The following RBFOX1 variants were observed in gnomAD, a reference collection of about 807,000 sequenced individuals.
RBFOX1 encodes RNA binding protein fox-1 homolog 1.
RBFOX1 carries 8 observed loss-of-function variants against 57.7 expected under a neutral mutation model. The observed-to-expected ratio is 0.14, with a 90% confidence interval of 0.08 to 0.25. The LOEUF (loss-of-function observed/expected upper bound fraction) is 0.25, where lower values mean the gene tolerates loss of function less well. RBFOX1 is among the 10% of genes least tolerant of loss of function. The probability of loss-of-function intolerance (pLI) is 1.00; values close to 1 mark genes in which losing one functional copy is unlikely to be tolerated. For synonymous variants in RBFOX1, 326 were observed against 222.4 expected (o/e 1.47, Z -4.15); for missense variants, 611 against 548.5 (o/e 1.11, Z -1.14).
intron 1 of RBFOX1, among the ~76,000 whole-genome samples, chr16:6,155,426 C>G (rs995063528): frequency 6.6e-6 from 1 of 152,196 alleles, no homozygotes. Context: ...GTAGAGACCT[C>G]AAGATGTACA....
chr16:7,172,459 C>G (rs766164787), intron 4 of RBFOX1, among the ~76,000 whole-genome samples: 18 of 152,164 alleles, frequency 1.2e-4, no homozygotes, highest in Non-Finnish European at 2.1e-4. Context: ...TTCTCTGTCT[C>G]CCACAACCAC....
chr16:7,426,668 G>A (rs1004647735), intron 4 of RBFOX1, among the ~76,000 whole-genome samples: 6 of 152,190 alleles, frequency 3.9e-5, no homozygotes, highest in Admixed American at 1.3e-4. Context: ...GTTGACACAA[G>A]AAGGGGACAT....
intron 3 of RBFOX1, among the ~76,000 whole-genome samples, chr16:6,660,602 G>C (rs1230458950): frequency 2.0e-5 from 3 of 152,108 alleles, no homozygotes; most frequent in Non-Finnish European, 2.9e-5. Context: ...CTGTGACCTT[G>C]AGAAGCTTTC....
chr16:7,337,107 C>A (rs1261472264), intron 4 of RBFOX1, among the ~76,000 whole-genome samples: 1 of 152,140 alleles, frequency 6.6e-6, no homozygotes, highest in Non-Finnish European at 1.5e-5. Flanking sequence ...TTTAATTCCC[C>A]TTTGCCTATG....
At chr16:7,375,662 A>G (rs1209473482) in intron 4 of RBFOX1, among the ~76,000 whole-genome samples, 1 of 152,122 alleles carries the variant, frequency 6.6e-6, no homozygotes, top group Non-Finnish European at 1.5e-5. Context: ...ATTCTGTGTG[A>G]CAATTCTGTA....
At chr16:5,888,945 C>T (rs538469488) in intron 4 of RBFOX1, among the ~76,000 whole-genome samples, 25 of 152,096 alleles carry the variant, frequency 1.6e-4, no homozygotes, top group Non-Finnish European at 2.8e-4. Flanking sequence ...GGGAAGATCT[C>T]TTCATCCTCT....
intron 2 of RBFOX1, among the ~76,000 whole-genome samples, chr16:6,413,531 T>A (rs986958945): frequency 6.6e-6 from 1 of 152,142 alleles, no homozygotes; most frequent in African/African-American, 2.4e-5. Context: ...TGCAAATGAC[T>A]GTTTGCCATA....
chr16:7,676,981 G>C (rs142234874), intron 14 of RBFOX1, 143 bp downstream of exon 14: 7 of 722,716 alleles, frequency 9.7e-6, no homozygotes, highest in Admixed American at 8.7e-5. Context: ...TGGTGAACGT[G>C]AACTCAAGTC....
In RBFOX1 at chr16:5,727,419, C is replaced by T. The variant is rs147349726; in HGVS notation, c.318+128458C>T. ...GTGTACGATGTGATGCTCTGATGTA[C>T]GTATATACTGTGAAACGCTCACCAC... is the stretch of plus-strand genomic sequence containing the variant. On this transcript the variant is annotated intron_variant, in intron 3 of 19. Transcript: ENST00000641259. Among the ~76,000 whole-genome samples the T allele has an allele frequency of 2.3e-3, 354 of 152,230 alleles. 2 individuals carry two copies. Among genetic ancestry groups the T allele is most frequent in the Non-Finnish European group, 3.9e-3 (262 of 68,016 alleles).
intron 1 of RBFOX1, among the ~76,000 whole-genome samples, chr16:5,253,039 C>A (rs113096886): frequency 1.3e-5 from 2 of 152,156 alleles, no homozygotes; most frequent in African/African-American, 4.8e-5. Flanking sequence ...CTGAGGTGCT[C>A]GCAAAGAGCC....
At chr16:6,934,639 G>C (rs983547904) in intron 3 of RBFOX1, among the ~76,000 whole-genome samples, 1 of 152,136 alleles carries the variant, frequency 6.6e-6, no homozygotes, top group Non-Finnish European at 1.5e-5. Context: ...AATTACTCAA[G>C]CACAGAAAGA....
chr16:7,015,203 T>G (rs1037686450), intron 3 of RBFOX1, among the ~76,000 whole-genome samples: 1 of 152,132 alleles, frequency 6.6e-6, no homozygotes. Flanking sequence ...AGCAGATGCA[T>G]CCAGTGGCAT....
intron 4 of RBFOX1, among the ~76,000 whole-genome samples, chr16:7,481,074 A>T (rs1019501805): frequency 1.3e-5 from 2 of 151,992 alleles, no homozygotes; most frequent in Non-Finnish European, 2.9e-5. Context: ...AGCTCTTCCT[A>T]TTGCTCCTTA....
chr16:5,492,824 C>A (rs2042877934), intron 2 of RBFOX1, among the ~76,000 whole-genome samples: 1 of 152,206 alleles, frequency 6.6e-6, no homozygotes, highest in South Asian at 2.1e-4. Flanking sequence ...ATTAAACCAT[C>A]AATAGTGCGG....
At chr16:6,242,632 A>AT (rs1223248167) in intron 1 of RBFOX1, among the ~76,000 whole-genome samples, 4 of 102,890 alleles carry the variant, frequency 3.9e-5, no homozygotes, top group Non-Finnish European at 7.7e-5. Flanking sequence ...TATTGCAAAC[A>AT]CACACACACA....
At chr16:6,899,205 G>T (rs2067830708) in intron 3 of RBFOX1, among the ~76,000 whole-genome samples, 1 of 148,202 alleles carries the variant, frequency 6.7e-6, no homozygotes, top group Non-Finnish European at 1.5e-5. Context: ...GCATATGTGT[G>T]TATATGTGTG....
intron 3 of RBFOX1, among the ~76,000 whole-genome samples, chr16:6,780,231 TTATA>T (rs1177021037): frequency 2.8e-5 from 2 of 70,448 alleles, no homozygotes; most frequent in Non-Finnish European, 4.6e-5. Context: ...ATATATATAT[TTATA>T]TATATTTACA....
chr16:5,997,743 A>G (rs1046351614), intron 4 of RBFOX1, among the ~76,000 whole-genome samples: 19 of 152,232 alleles, frequency 1.2e-4, no homozygotes, highest in African/African-American at 4.6e-4. Flanking sequence ...TCATTCCCGT[A>G]AAAGTTTCTG....
chr16:5,406,246 T>C (rs1156780275), intron 1 of RBFOX1, among the ~76,000 whole-genome samples: 1 of 152,090 alleles, frequency 6.6e-6, no homozygotes, highest in Non-Finnish European at 1.5e-5. Flanking sequence ...CAGACAAGAA[T>C]AGCGTTTGAA....
Sources: allele counts gnomAD v4.1 joint callset (sites outside exome capture counted in the v4.1 genomes callset), GRCh38; gene constraint gnomAD v4.1.1; transcripts MANE v1.5; gene names NCBI Gene and HGNC (gene_info 2026-07-23, HGNC 2026-07-21).